Variants in DLG2 observed in about 807,000 individuals in gnomAD.
DLG2 encodes disks large homolog 2.
DLG2 carries 45 observed loss-of-function variants against 132.5 expected under a neutral mutation model. The ratio of observed to expected loss-of-function variants is 0.34; its 90% CI spans 0.27 to 0.44. The LOEUF is 0.44. Among genes scored for constraint, DLG2 ranks in the 20% least tolerant of loss-of-function variants. DLG2 has a pLI of 1.00. For synonymous variants in DLG2, 424 were observed against 419.6 expected, an observed-to-expected ratio of 1.01 and a Z score of -0.13; for missense variants, 1,045 against 1,196.9, an observed-to-expected ratio of 0.87 and a Z score of 1.87.
intron 6 of DLG2, among the ~76,000 whole-genome samples, chr11:84,796,154 C>T (rs2074573534): frequency 6.6e-6 from 1 of 152,176 alleles, no homozygotes; most frequent in African/African-American, 2.4e-5. Context: ...GATGGATACC[C>T]TATTCTCCAA....
intron 19 of DLG2, among the ~76,000 whole-genome samples, chr11:83,610,379 A>T (rs1179976290): frequency 3.3e-5 from 5 of 152,234 alleles, no homozygotes; most frequent in African/African-American, 1.2e-4. Context: ...TCAGTGTGGG[A>T]AAAAGGAATG....
chr11:84,270,563 T>G (rs958183405), intron 7 of DLG2, among the ~76,000 whole-genome samples: 1 of 152,208 alleles, frequency 6.6e-6, no homozygotes, highest in African/African-American at 2.4e-5. Context: ...TATCATGACT[T>G]GAGATTTTAT....
At position 83,689,006 on chromosome 11, in the gene DLG2, C is replaced by T. The variant is rs920287246; in HGVS notation, c.1826-55681G>A. On this transcript the variant is annotated intron_variant, in intron 18 of 27. Transcript: ENST00000376104. ...ATTATTACGTTGAATGCCAGAAGAA[C>T]GATGTAATCAAGGTCATATTCTCCC... Among the ~76,000 whole-genome samples the T allele has an allele frequency of 4.6e-5, 7 of 152,222 alleles. No individual in the cohort carries two copies. In the South Asian group the frequency reaches 6.2e-4, roughly 14 times the overall value.
chr11:84,488,533 T>C (rs779946752), intron 7 of DLG2, among the ~76,000 whole-genome samples: 1 of 152,118 alleles, frequency 6.6e-6, no homozygotes, highest in Non-Finnish European at 1.5e-5. Context: ...CCCTGAGATT[T>C]GTATGTATTC....
intron 21 of DLG2, among the ~76,000 whole-genome samples, chr11:83,499,889 A>ATC (rs2094372119): frequency 7.4e-5 from 8 of 108,660 alleles, no homozygotes; most frequent in African/African-American, 3.1e-4. Flanking sequence ...ATATATATAT[A>ATC]TATATATATC....
rs200540716 is a variant in DLG2 at position 84,684,737 on chromosome 11, C to CAAAT, written c.358-150010_358-150007dup. On this transcript the variant is annotated intron_variant, in intron 6 of 27. Transcript: ENST00000376104. ...AACTGTTGTAAAATTTCCATGAAAC[C>CAAAT]AAATAAATAAATCACTATATGCAAG... 9.5e-3 allele frequency among the ~76,000 whole-genome samples: 1,442 copies of CAAAT among 152,222 alleles called. 8 individuals are homozygous for CAAAT. The highest frequency in any genetic ancestry group is 0.014 in the African/African-American group (573 of 41,546).
chr11:84,480,734 GT>G (rs1218199793), intron 7 of DLG2, among the ~76,000 whole-genome samples: 4 of 145,350 alleles, frequency 2.8e-5, no homozygotes, highest in Admixed American at 2.8e-4. Context: ...TGCTTGTTTG[GT>G]TTTTGTTTCT....
intron 6 of DLG2, among the ~76,000 whole-genome samples, chr11:84,559,553 T>C (rs1176417702): frequency 3.3e-5 from 5 of 152,166 alleles, no homozygotes; most frequent in Admixed American, 2.0e-4. Flanking sequence ...GGTTATAATA[T>C]AATAAGCATA....
intron 6 of DLG2, among the ~76,000 whole-genome samples, chr11:84,912,107 T>C (rs766920844): frequency 6.6e-6 from 1 of 152,196 alleles, no homozygotes; most frequent in African/African-American, 2.4e-5. Context: ...AAAGCTAACC[T>C]TCACTGCTTC....
In DLG2 at chr11:85,093,310, T is replaced by G. The variant is rs200076636; in HGVS notation, c.357+18351A>C. 1.3e-3 allele frequency among the ~76,000 whole-genome samples: 20 copies of G among 14,952 alleles called. No individual in the cohort carries two copies. The East Asian group carries it at 0.17, about 125-fold the overall frequency. The allele number at this position is 14,952 out of a possible 152,430, so 9.8% of individuals were successfully genotyped here. A position where few individuals can be genotyped will look rare whatever the true frequency, so the allele number is the denominator to read the frequency against. On this transcript the variant is annotated intron_variant, in intron 6 of 27. Transcript: ENST00000376104. ...CAATCATTTGGCAAGGGAGTTTTTGTTTTTTTTTTGTATTTTTTGTGTGCA... is the reference window on the plus strand; with the variant it reads ...CAATCATTTGGCAAGGGAGTTTTTGGTTTTTTTTTGTATTTTTTGTGTGCA...
intron 3 of DLG2, among the ~76,000 whole-genome samples, chr11:85,578,501 G>C (rs1020002693): frequency 6.6e-6 from 1 of 151,970 alleles, no homozygotes. Context: ...ATCTAACAAA[G>C]GTCTAATACT....
chr11:84,726,998 C>T (rs1243995359), intron 6 of DLG2, among the ~76,000 whole-genome samples: 1 of 152,022 alleles, frequency 6.6e-6, no homozygotes, highest in Non-Finnish European at 1.5e-5. Flanking sequence ...GGATATTAGC[C>T]CTTTGTCAGA....
intron 3 of DLG2, among the ~76,000 whole-genome samples, chr11:85,486,211 A>C (rs1034638666): frequency 6.6e-6 from 1 of 151,732 alleles, no homozygotes; most frequent in Non-Finnish European, 1.5e-5. Context: ...GAGACCAGGC[A>C]CTCCCATGAC....
chr11:85,444,677 C>A (rs1328236471), intron 3 of DLG2, among the ~76,000 whole-genome samples: 1 of 152,228 alleles, frequency 6.6e-6, no homozygotes, highest in Non-Finnish European at 1.5e-5. Flanking sequence ...AATAAAAGAT[C>A]TCTGGTCTAT....
At chr11:84,177,290 C>A (rs1209403645) in intron 8 of DLG2, among the ~76,000 whole-genome samples, 3 of 152,072 alleles carry the variant, frequency 2.0e-5, no homozygotes, top group African/African-American at 7.2e-5. Context: ...CATCACAAAC[C>A]CTGCCTTTCT....
chr11:83,691,291 C>G (rs145653670), intron 18 of DLG2, among the ~76,000 whole-genome samples: 2 of 152,136 alleles, frequency 1.3e-5, no homozygotes, highest in Non-Finnish European at 2.9e-5. Context: ...ACTAGCCACA[C>G]GTAATATAAC....
intron 17 of DLG2, among the ~76,000 whole-genome samples, chr11:83,818,063 C>T (rs965717167): frequency 6.6e-6 from 1 of 152,200 alleles, no homozygotes; most frequent in African/African-American, 2.4e-5. Flanking sequence ...GAGTCTCCGT[C>T]TTTTCACTTT....
intron 11 of DLG2, among the ~76,000 whole-genome samples, chr11:84,003,057 T>C (rs1031901870): frequency 6.6e-6 from 1 of 152,208 alleles, no homozygotes; most frequent in Non-Finnish European, 1.5e-5. Flanking sequence ...ATCATCTCTC[T>C]TAAGTTTAAA....
intron 7 of DLG2, among the ~76,000 whole-genome samples, chr11:84,532,385 G>C (rs1450120742): frequency 6.6e-6 from 1 of 152,058 alleles, no homozygotes; most frequent in Non-Finnish European, 1.5e-5. Flanking sequence ...TAAAATGCTA[G>C]CCTTGATTAT....
Sources: allele counts gnomAD v4.1 joint callset (sites outside exome capture counted in the v4.1 genomes callset), GRCh38; gene constraint gnomAD v4.1.1; transcripts MANE v1.5; gene names NCBI Gene and HGNC (gene_info 2026-07-23, HGNC 2026-07-21).